The following MACROD2 variants were observed in gnomAD, a reference collection of about 807,000 sequenced individuals.
MACROD2 encodes the protein mono-ADP ribosylhydrolase 2, also known as ADP-ribose glycohydrolase MACROD2.
In MACROD2, 36 loss-of-function variants were observed where a neutral mutation model predicts 70.4. The observed-to-expected ratio is 0.51, with a 90% CI of 0.39 to 0.68. The LOEUF is 0.68. Among genes scored for constraint, MACROD2 ranks in the 30% least tolerant of loss-of-function variants. The probability of loss-of-function intolerance (pLI) is 0.00; values close to 1 mark genes in which losing one functional copy is unlikely to be tolerated. For missense variants in MACROD2, 496 were observed against 538.4 expected (o/e 0.92, Z 0.78); for synonymous variants, 172 against 178.8 (o/e 0.96, Z 0.30).
intron 5 of MACROD2, among the ~76,000 whole-genome samples, chr20:14,690,744 T>A (rs948758203): frequency 2.0e-5 from 3 of 152,166 alleles, no homozygotes; most frequent in Admixed American, 2.0e-4. Context: ...AAAGCTTTAT[T>A]AGAACACAGT....
At chr20:14,652,188 G>C (rs190390372) in intron 4 of MACROD2, among the ~76,000 whole-genome samples, 69 of 152,148 alleles carry the variant, frequency 4.5e-4, no homozygotes, top group Non-Finnish European at 9.3e-4. Flanking sequence ...ACAGTTGACT[G>C]TTGGGAATTC....
At chr20:14,271,525 A>G (rs146883638) in intron 3 of MACROD2, among the ~76,000 whole-genome samples, 2,642 of 151,602 alleles carry the variant, frequency 0.017, 75 homozygotes, top group African/African-American at 0.058. Context: ...AAAAGTGGAT[A>G]AAACCACAAA....
intron 9 of MACROD2, among the ~76,000 whole-genome samples, chr20:15,870,835 T>C (rs1325960270): frequency 6.6e-6 from 1 of 152,198 alleles, no homozygotes; most frequent in Non-Finnish European, 1.5e-5. Context: ...TAAGTATTGT[T>C]AACACAGCTA....
At chr20:15,039,074 T>C (rs1047218012) in intron 5 of MACROD2, among the ~76,000 whole-genome samples, 11 of 152,060 alleles carry the variant, frequency 7.2e-5, no homozygotes, top group African/African-American at 2.2e-4. Flanking sequence ...GCATAACAAA[T>C]TTATTTAATA....
intron 4 of MACROD2, among the ~76,000 whole-genome samples, chr20:14,577,309 A>G (rs1489531119): frequency 6.6e-6 from 1 of 152,218 alleles, no homozygotes; most frequent in Admixed American, 6.5e-5. Flanking sequence ...CTTGAGAAAA[A>G]CCCTGTTTAA....
intron 8 of MACROD2, among the ~76,000 whole-genome samples, chr20:15,833,772 A>G (rs1164384958): frequency 6.6e-6 from 1 of 152,208 alleles, no homozygotes. Flanking sequence ...GTACATTTTT[A>G]ATATAAGAAA....
chr20:15,807,726 A>T (rs1282485796), intron 8 of MACROD2, among the ~76,000 whole-genome samples: 1 of 152,206 alleles, frequency 6.6e-6, no homozygotes, highest in Non-Finnish European at 1.5e-5. Context: ...TTTATTTCTT[A>T]ATGTGGCTAT....
chr20:14,712,588 G>A (rs1210014353), intron 5 of MACROD2, among the ~76,000 whole-genome samples: 1 of 152,154 alleles, frequency 6.6e-6, no homozygotes, highest in East Asian at 1.9e-4. Flanking sequence ...CACATCTCAA[G>A]TATACAAAGT....
intron 6 of MACROD2, among the ~76,000 whole-genome samples, chr20:15,399,719 A>C (rs1029803624): frequency 7.9e-5 from 12 of 152,266 alleles, no homozygotes; most frequent in African/African-American, 2.9e-4. Flanking sequence ...GGTTGACTAC[A>C]TAACACCATC....
intron 8 of MACROD2, among the ~76,000 whole-genome samples, chr20:15,836,233 G>C (rs2064113063): frequency 6.6e-6 from 1 of 152,202 alleles, no homozygotes; most frequent in Non-Finnish European, 1.5e-5. Context: ...TTCTACTTAG[G>C]AGAGGGTAAA....
At chr20:15,153,368 T>A (rs2076285193) in intron 5 of MACROD2, among the ~76,000 whole-genome samples, 1 of 151,956 alleles carries the variant, frequency 6.6e-6, no homozygotes, top group Admixed American at 6.6e-5. Flanking sequence ...GTAGGGGAGC[T>A]TTTGAGCCAG....
At chr20:15,104,559 G>A (rs6110518) in intron 5 of MACROD2, among the ~76,000 whole-genome samples, 2 of 152,010 alleles carry the variant, frequency 1.3e-5, no homozygotes, top group Non-Finnish European at 2.9e-5. Context: ...GAATAAGTGC[G>A]TTTGATACTT....
intron 5 of MACROD2, among the ~76,000 whole-genome samples, chr20:15,015,476 T>TG (rs386393388): frequency 4.4e-5 from 6 of 135,162 alleles, no homozygotes; most frequent in East Asian, 2.0e-4. Flanking sequence ...ACTATGTGTG[T>TG]TTTTTTTTTT....
intron 6 of MACROD2, among the ~76,000 whole-genome samples, chr20:15,415,988 T>C (rs902392275): frequency 3.3e-5 from 5 of 152,196 alleles, no homozygotes; most frequent in South Asian, 2.1e-4. Context: ...CGCTAGAGCA[T>C]TTATTTAGTG....
intron 5 of MACROD2, among the ~76,000 whole-genome samples, chr20:14,872,591 C>T (rs987274696): frequency 6.6e-6 from 1 of 151,988 alleles, no homozygotes; most frequent in South Asian, 2.1e-4. Flanking sequence ...GTTTCTAGAT[C>T]TGTAAAATGA....
At position 15,325,728 on chromosome 20, in the gene MACROD2, G is replaced by T. The variant is rs536047161; in HGVS notation, c.540+95667G>T. ...GCATGTCTTCCATTAATCAGAGCTAGTGCAGGTACCAAGGGAACAGGGGTT... is the reference window on the plus strand; with the variant it reads ...GCATGTCTTCCATTAATCAGAGCTATTGCAGGTACCAAGGGAACAGGGGTT... On this transcript the variant is annotated intron_variant, in intron 6 of 17. Coordinates refer to ENST00000684519, the MANE Select transcript of MACROD2 (RefSeq NM_001351661.2). 4.6e-5 allele frequency among the ~76,000 whole-genome samples: 7 copies of T among 152,272 alleles called. No individual in the cohort carries two copies. The South Asian group carries it at 1.5e-3, about 32-fold the overall frequency.
At chr20:15,402,969 G>GC (rs1555814392) in intron 6 of MACROD2, among the ~76,000 whole-genome samples, 1 of 150,560 alleles carries the variant, frequency 6.6e-6, no homozygotes, top group Non-Finnish European at 1.5e-5. Flanking sequence ...TTTGTTTTTT[G>GC]TTTTTTTTTG....
At chr20:14,855,705 C>T (rs1600728406) in intron 5 of MACROD2, among the ~76,000 whole-genome samples, 1 of 131,854 alleles carries the variant, frequency 7.6e-6, no homozygotes, top group South Asian at 2.6e-4. Flanking sequence ...ACGTTAATAT[C>T]TTTGTATCTT....
At chr20:15,460,977 C>CATATATATAT (rs1157335873) in intron 7 of MACROD2, among the ~76,000 whole-genome samples, 28 of 69,640 alleles carry the variant, frequency 4.0e-4, no homozygotes, top group South Asian at 6.4e-4. Flanking sequence ...TCTCTCTCTC[C>CATATATATAT]ATATATATAT....
Sources: gnomAD v4.1 joint callset for allele counts (sites outside exome capture counted in the v4.1 genomes callset) on GRCh38, gnomAD v4.1.1 for gene constraint, MANE v1.5 for transcripts, NCBI Gene and HGNC (gene_info 2026-07-23, HGNC 2026-07-21) for gene names.